The following SLC35F3 variants were observed in gnomAD, a reference collection of about 807,000 sequenced individuals.
SLC35F3 encodes putative thiamine transporter SLC35F3.
In SLC35F3, 25 loss-of-function variants were observed where a neutral mutation model predicts 49.9. The observed-to-expected ratio is 0.50, with a 90% CI of 0.37 to 0.70. The LOEUF is 0.70. Ranked by LOEUF, SLC35F3 falls within the 30% of genes least tolerant of loss-of-function variation. The pLI, the probability that SLC35F3 is intolerant of heterozygous loss-of-function variation, is 0.00. For missense variants in SLC35F3, 525 were observed against 639.8 expected (o/e 0.82, Z 1.94); for synonymous variants, 275 against 265.4 (o/e 1.04, Z -0.35).
At chr1:233,955,747 T>C (rs1209809604) in intron 2 of SLC35F3, among the ~76,000 whole-genome samples, 21 of 150,466 alleles carry the variant, frequency 1.4e-4, no homozygotes, top group Non-Finnish European at 1.6e-4. Flanking sequence ...ACTTCTCTAC[T>C]TGAAAATCTC....
At chr1:233,995,212 T>A (rs964092525) in intron 2 of SLC35F3, among the ~76,000 whole-genome samples, 4 of 152,148 alleles carry the variant, frequency 2.6e-5, no homozygotes, top group Non-Finnish European at 5.9e-5. Flanking sequence ...GTAAAACATA[T>A]CCTTGATCAA....
At chr1:234,290,702 A>G (rs537077680) in intron 3 of SLC35F3, among the ~76,000 whole-genome samples, 3 of 152,302 alleles carry the variant, frequency 2.0e-5, no homozygotes, top group Non-Finnish European at 1.5e-5. Context: ...AATTAATCAA[A>G]CCAGCTCAAA....
At chr1:234,025,609 G>A (rs1663965604) in intron 2 of SLC35F3, among the ~76,000 whole-genome samples, 2 of 152,162 alleles carry the variant, frequency 1.3e-5, no homozygotes, top group Non-Finnish European at 2.9e-5. Context: ...TTGGCCAGAT[G>A]TATTTCTTCT....
chr1:233,915,897 C>T (rs572834632), intron 2 of SLC35F3, among the ~76,000 whole-genome samples: 22 of 152,330 alleles, frequency 1.4e-4, no homozygotes, highest in African/African-American at 5.3e-4. Flanking sequence ...TTATCTCCCG[C>T]CAGGTCCCTC....
At chr1:234,047,989 G>A (rs1005573611) in intron 2 of SLC35F3, among the ~76,000 whole-genome samples, 5 of 152,112 alleles carry the variant, frequency 3.3e-5, no homozygotes, top group African/African-American at 1.2e-4. Flanking sequence ...TGCCATTCTG[G>A]TGGTCTCAGA....
intron 2 of SLC35F3, among the ~76,000 whole-genome samples, chr1:234,021,138 C>T (rs1005392522): frequency 6.6e-6 from 1 of 152,106 alleles, no homozygotes; most frequent in African/African-American, 2.4e-5. Context: ...TCTTTGATGC[C>T]AAGACAGAGC....
intron 2 of SLC35F3, among the ~76,000 whole-genome samples, chr1:234,162,657 A>G (rs1286823414): frequency 6.6e-6 from 1 of 152,050 alleles, no homozygotes; most frequent in Non-Finnish European, 1.5e-5. Context: ...ATTTCTCTTT[A>G]CTTGACCTAT....
intron 3 of SLC35F3, among the ~76,000 whole-genome samples, chr1:234,238,608 T>G (rs1381733158): frequency 2.0e-5 from 3 of 152,140 alleles, no homozygotes; most frequent in Non-Finnish European, 4.4e-5. Flanking sequence ...ATTTTTCCTC[T>G]GGCATCTCCC....
chr1:233,962,622 C>T (rs572098378), intron 2 of SLC35F3, among the ~76,000 whole-genome samples: 67 of 152,318 alleles, frequency 4.4e-4, no homozygotes, highest in African/African-American at 1.6e-3. Context: ...TTATCCTGTG[C>T]ATTTTTCTCC....
chr1:233,959,506 G>T (rs1287271120), intron 2 of SLC35F3, among the ~76,000 whole-genome samples: 5 of 152,064 alleles, frequency 3.3e-5, no homozygotes, highest in African/African-American at 1.2e-4. Flanking sequence ...AGGTATGAAA[G>T]ATATAATTTT....
chr1:234,299,959 C>T (rs1158125422), intron 3 of SLC35F3, among the ~76,000 whole-genome samples: 1 of 151,860 alleles, frequency 6.6e-6, no homozygotes, highest in Non-Finnish European at 1.5e-5. Context: ...CCTTTGAATT[C>T]AAATTTGTTC....
chr1:234,147,147 G>A (rs36157175), intron 2 of SLC35F3, among the ~76,000 whole-genome samples: 20,065 of 150,928 alleles, frequency 0.13, 2,891 homozygotes, highest in East Asian at 0.75. Context: ...AAGTTTTACT[G>A]TATTAAAGGA....
chr1:234,108,727 ATAT>A (rs1475203755), intron 2 of SLC35F3, among the ~76,000 whole-genome samples: 1 of 82,054 alleles, frequency 1.2e-5, no homozygotes, highest in Non-Finnish European at 2.0e-5. Flanking sequence ...ATATATATAA[ATAT>A]ATATATCTTT....
At chr1:234,110,074 C>T (rs1294836377) in intron 2 of SLC35F3, among the ~76,000 whole-genome samples, 4 of 151,532 alleles carry the variant, frequency 2.6e-5, no homozygotes, top group African/African-American at 9.7e-5. Context: ...GTAAGATGGG[C>T]CCAGAAGCGC....
intron 2 of SLC35F3, among the ~76,000 whole-genome samples, chr1:234,136,399 C>T (rs1026332335): frequency 8.6e-5 from 13 of 150,568 alleles, no homozygotes; most frequent in African/African-American, 2.7e-4. Flanking sequence ...TTCCTAGAGA[C>T]AGGGTCTCAC....
intron 3 of SLC35F3, among the ~76,000 whole-genome samples, chr1:234,232,519 C>CAAAAAAAAAAAAAAAAAAAAAAAAA (rs536692686): frequency 4.3e-4 from 31 of 72,328 alleles, no homozygotes; most frequent in Non-Finnish European, 4.7e-4. Flanking sequence ...CAGGCCTAGT[C>CAAAAAAAAAAAAAAAAAAAAAAAAA]AAAAAAAAAA....
intron 2 of SLC35F3, among the ~76,000 whole-genome samples, chr1:234,180,179 A>G (rs1464419234): frequency 6.6e-6 from 1 of 152,200 alleles, no homozygotes; most frequent in Non-Finnish European, 1.5e-5. Context: ...TCAGGTGGTC[A>G]TCTCCCCACT....
chr1:234,143,002 A>T (rs1237930073), intron 2 of SLC35F3, among the ~76,000 whole-genome samples: 1 of 152,210 alleles, frequency 6.6e-6, no homozygotes, highest in East Asian at 1.9e-4. Flanking sequence ...ATTACAGTCA[A>T]GCAAATTAAC....
chr1:234,260,867 T>C (rs1667894305), intron 3 of SLC35F3, among the ~76,000 whole-genome samples: 1 of 152,174 alleles, frequency 6.6e-6, no homozygotes, highest in South Asian at 2.1e-4. Flanking sequence ...CTGCACGGAC[T>C]TCCTGTGTTC....
Sources: allele counts gnomAD v4.1 joint callset (sites outside exome capture counted in the v4.1 genomes callset), GRCh38; gene constraint gnomAD v4.1.1; transcripts MANE v1.5; gene names NCBI Gene and HGNC (gene_info 2026-07-23, HGNC 2026-07-21).